The following STK32B variants were observed in gnomAD, a reference collection of about 807,000 sequenced individuals.
STK32B encodes serine/threonine kinase 32B, also known as serine/threonine-protein kinase 32B.
In STK32B, 43 loss-of-function variants were observed where a neutral mutation model predicts 52.6. The observed-to-expected ratio is 0.82, with a 90% CI of 0.64 to 1.05. The LOEUF (loss-of-function observed/expected upper bound fraction) is 1.05. Ranked by LOEUF, STK32B falls within the 50% of genes least tolerant of loss-of-function variation. The probability of loss-of-function intolerance (pLI) is 0.00; values close to 1 mark genes in which losing one functional copy is unlikely to be tolerated. For synonymous variants in STK32B, 238 were observed against 204.3 expected, an observed-to-expected ratio of 1.17 and a Z score of -1.41; for missense variants, 621 against 534.6, an observed-to-expected ratio of 1.16 and a Z score of -1.59.
At chr4:5,296,429 T>A (rs1229152880) in intron 3 of STK32B, among the ~76,000 whole-genome samples, 3 of 152,238 alleles carry the variant, frequency 2.0e-5, no homozygotes, top group African/African-American at 7.2e-5. Context: ...GAACTTGCTT[T>A]ATGAATCTGG....
chr4:5,089,433 G>C (rs564256539), intron 1 of STK32B, among the ~76,000 whole-genome samples: 2 of 152,128 alleles, frequency 1.3e-5, no homozygotes, highest in East Asian at 3.9e-4. Context: ...GAGATTATGC[G>C]GTGTTTGATT....
intron 6 of STK32B, among the ~76,000 whole-genome samples, chr4:5,440,604 C>T (rs1309131527): frequency 2.0e-5 from 3 of 152,192 alleles, no homozygotes; most frequent in Admixed American, 6.5e-5. Flanking sequence ...ATTTCCTTCT[C>T]CTGCCTAATT....
At chr4:5,313,889 CTATT>C (rs1453814680) in intron 3 of STK32B, among the ~76,000 whole-genome samples, 9 of 152,260 alleles carry the variant, frequency 5.9e-5, no homozygotes, top group South Asian at 4.1e-4. Context: ...AACATTTACA[CTATT>C]TATTTGCTGA....
intron 1 of STK32B, among the ~76,000 whole-genome samples, chr4:5,123,802 A>G (rs994255093): frequency 6.6e-6 from 1 of 151,808 alleles, no homozygotes; most frequent in African/African-American, 2.4e-5. Flanking sequence ...GATTCAGCAC[A>G]TGAGTTTTGG....
At chr4:5,203,215 C>T (rs1035337302) in intron 3 of STK32B, among the ~76,000 whole-genome samples, 4 of 152,026 alleles carry the variant, frequency 2.6e-5, no homozygotes, top group African/African-American at 9.7e-5. Flanking sequence ...AAAGAGCATC[C>T]CCCATCTCAT....
chr4:5,287,178 C>T (rs558288032), intron 3 of STK32B, among the ~76,000 whole-genome samples: 1 of 152,264 alleles, frequency 6.6e-6, no homozygotes, highest in African/African-American at 2.4e-5. Context: ...TTAGTAGATA[C>T]TGCCAAGTCG....
At chr4:5,224,909 A>G (rs16836908) in intron 3 of STK32B, among the ~76,000 whole-genome samples, 3,849 of 152,242 alleles carry the variant, frequency 0.025, 164 homozygotes, top group African/African-American at 0.087. Flanking sequence ...GCAAATAGTA[A>G]AAATTCAGGA....
In STK32B at chr4:5,058,925, A is replaced by G. The variant is rs1327508023; in HGVS notation, c.52+7010A>G. On this transcript the variant is annotated intron_variant, in intron 1 of 11. Transcript: ENST00000282908. This position sits in a 1 kb window ranked among gnomAD's most constrained non-coding sequence, Gnocchi z 4.8. Reference sequence around the variant, plus strand: ...GCCACCATGCCCAGCTAATTTTTGTATTTTTGGTAGAGATGGGGTTTCACC... The same window carrying G: ...GCCACCATGCCCAGCTAATTTTTGTGTTTTTGGTAGAGATGGGGTTTCACC... 1.3e-5 allele frequency among the ~76,000 whole-genome samples: 2 copies of G among 150,836 alleles called. No homozygotes were observed. Among genetic ancestry groups the G allele is most frequent in the African/African-American group, 4.9e-5 (2 of 40,914 alleles).
At chr4:5,068,650 T>G (rs946691496) in intron 1 of STK32B, among the ~76,000 whole-genome samples, 1 of 152,112 alleles carries the variant, frequency 6.6e-6, no homozygotes, top group African/African-American at 2.4e-5. Context: ...TGCAGAATTA[T>G]TATTATTTTT....
At chr4:5,204,612 G>T (rs1333947381) in intron 3 of STK32B, among the ~76,000 whole-genome samples, 1 of 151,986 alleles carries the variant, frequency 6.6e-6, no homozygotes, top group Non-Finnish European at 1.5e-5. Context: ...TGGGACTACA[G>T]GTGGCTGCCA....
intron 1 of STK32B, among the ~76,000 whole-genome samples, chr4:5,123,681 A>T (rs1715193897): frequency 6.6e-6 from 1 of 151,822 alleles, no homozygotes; most frequent in African/African-American, 2.4e-5. Flanking sequence ...TTTTACAAGG[A>T]CTCCAGTCAT....
chr4:5,248,935 G>A (rs1170251262), intron 3 of STK32B, among the ~76,000 whole-genome samples: 1 of 149,622 alleles, frequency 6.7e-6, no homozygotes, highest in African/African-American at 2.5e-5. Flanking sequence ...TGGGGTGGGG[G>A]GAGAGGGGAG....
At chr4:5,341,175 C>T (rs1733052248) in intron 4 of STK32B, among the ~76,000 whole-genome samples, 1 of 152,168 alleles carries the variant, frequency 6.6e-6, no homozygotes, top group African/African-American at 2.4e-5. Flanking sequence ...CACATCCGCC[C>T]CAGAGGAAGG....
chr4:5,192,568 AT>A (rs1012136556), intron 3 of STK32B, among the ~76,000 whole-genome samples: 9 of 152,228 alleles, frequency 5.9e-5, no homozygotes, highest in African/African-American at 1.9e-4. Flanking sequence ...AAATGAAACA[AT>A]TTTTTTCCAG....
At chr4:5,127,646 C>G (rs547664025) in intron 1 of STK32B, among the ~76,000 whole-genome samples, 1 of 152,164 alleles carries the variant, frequency 6.6e-6, no homozygotes, top group South Asian at 2.1e-4. Flanking sequence ...GAAGAGAAAA[C>G]AGAGACAGAC....
intron 6 of STK32B, among the ~76,000 whole-genome samples, chr4:5,430,900 C>A (rs1252844963): frequency 2.0e-5 from 3 of 152,210 alleles, no homozygotes; most frequent in Non-Finnish European, 4.4e-5. Flanking sequence ...TAGGGTCTCT[C>A]TCTGTGCTCC....
In STK32B at chr4:5,394,519, A is replaced by G. The variant is rs2003484; in HGVS notation, c.435-3688A>G. On this transcript the variant is annotated intron_variant, in intron 4 of 11. Transcript: ENST00000282908. The surrounding 1 kb of genome is among the most constrained non-coding windows in gnomAD (Gnocchi z 4.2). ...AAATCCCAAGTGATTCAGATTCTCC[A>G]TCTCCTCCACGCTGCTTTGCAGGCA... Among the ~76,000 whole-genome samples the G allele has an allele frequency of 0.038, 5,788 of 152,280 alleles. 324 individuals carry two copies. Among genetic ancestry groups the G allele is most frequent in the Admixed American group, 0.16 (2,450 of 15,292 alleles).
rs759254514 is a variant in STK32B at position 5,499,019 on chromosome 4, A to C, written c.1181A>C (p.Lys394Thr). The C allele has an allele frequency of 1.2e-6, 2 of 1,613,808 alleles. No homozygotes were observed. The highest frequency in any genetic ancestry group is 1.3e-5 in the African/African-American group (1 of 75,028). Residue 394 changes from lysine to threonine, a missense_variant, in exon 12 of 12, where the codon AAG (lysine) becomes ACG (threonine). Coordinates refer to ENST00000282908, the MANE Select transcript of STK32B (RefSeq NM_018401.3). Reference protein sequence around the residue: ...DSRGGGQAQSKLQDGCNNNLL... With the variant: ...DSRGGGQAQSTLQDGCNNNLL... ...CGAGGGGGAGGCCAGGCCCAAAGCA[A>C]GCTCCAGGACGGGTGCAACAACAAC...
At chr4:5,175,746 A>T (rs1719823453) in intron 3 of STK32B, among the ~76,000 whole-genome samples, 1 of 151,926 alleles carries the variant, frequency 6.6e-6, no homozygotes, top group South Asian at 2.1e-4. Flanking sequence ...CTACTTGGGG[A>T]TCAGGGACCC....
Sources: gnomAD v4.1 joint callset for allele counts (sites outside exome capture counted in the v4.1 genomes callset) on GRCh38, gnomAD v4.1.1 for gene constraint, Gnocchi (gnomAD v3.1) non-coding constraint, MANE v1.5 for transcripts, NCBI Gene and HGNC (gene_info 2026-07-23, HGNC 2026-07-21) for gene names.